Variants in SLC26A7 observed in about 807,000 individuals in gnomAD.
SLC26A7 encodes the protein solute carrier family 26 member 7.
Under a neutral mutation model 82.5 loss-of-function variants are expected in SLC26A7, and 59 were observed. That is an observed-to-expected ratio of 0.72 (90% CI 0.58 to 0.89). The LOEUF (loss-of-function observed/expected upper bound fraction) is 0.89, where lower values mean the gene tolerates loss of function less well. SLC26A7 is among the 40% of genes least tolerant of loss of function. The pLI is 0.00. For missense variants in SLC26A7, 820 were observed against 793.0 expected (o/e 1.03, Z -0.41); for synonymous variants, 271 against 274.3 (o/e 0.99, Z 0.12).
upstream of SLC26A7, among the ~76,000 whole-genome samples, chr8:91,244,462 A>G (rs896095768): frequency 1.8e-4 from 27 of 149,432 alleles, no homozygotes; most frequent in African/African-American, 6.7e-4. Context: ...GTTTGAATAT[A>G]TAAGTGATTC....
intron 15 of SLC26A7, among the ~76,000 whole-genome samples, chr8:91,376,125 A>G (rs1814509531): frequency 6.6e-6 from 1 of 151,948 alleles, no homozygotes; most frequent in South Asian, 2.1e-4. Context: ...TCAAATCCTG[A>G]ATTGTTTTCT....
At chr8:91,333,464 T>C (rs571995589) in intron 5 of SLC26A7, among the ~76,000 whole-genome samples, 1 of 152,288 alleles carries the variant, frequency 6.6e-6, no homozygotes, top group African/African-American at 2.4e-5. Context: ...TCACATTTTA[T>C]GCTGTAAGTT....
At position 91,351,698 on chromosome 8, in the gene SLC26A7, T is replaced by C. The variant is rs1160251587; in HGVS notation, c.1141-112T>C. The C allele has an allele frequency of 4.7e-5, 34 of 730,852 alleles. 1 individual carries two copies. The highest frequency in any genetic ancestry group is 7.8e-5 in the Non-Finnish European group (33 of 425,190). 45.3% of individuals were successfully genotyped at this position (730,852 alleles called of 1,614,324 possible). A position where few individuals can be genotyped will look rare whatever the true frequency, so the allele number is the denominator to read the frequency against. ...ATTTAACAGTTATGTGTCAACATTT[T>C]ACTTCTTCTAATCAAGATAAACTAA... On this transcript the variant is annotated intron_variant, in intron 9 of 18. Coordinates refer to ENST00000276609, the MANE Select transcript of SLC26A7 (RefSeq NM_052832.4).
At chr8:91,370,917 A>G (rs532439967) in intron 15 of SLC26A7, among the ~76,000 whole-genome samples, 116 of 152,032 alleles carry the variant, frequency 7.6e-4, no homozygotes, top group African/African-American at 2.5e-3. Context: ...CTAAGTAGGT[A>G]GAGATAACAG....
intron 3 of SLC26A7, among the ~76,000 whole-genome samples, chr8:91,289,553 G>A (rs970718818): frequency 3.9e-5 from 6 of 152,266 alleles, no homozygotes; most frequent in Middle Eastern, 3.4e-3. Flanking sequence ...GCTGAGGCAG[G>A]AGAATCGCTT....
At chr8:91,385,138 T>C (rs1814766458) in intron 15 of SLC26A7, among the ~76,000 whole-genome samples, 1 of 152,162 alleles carries the variant, frequency 6.6e-6, no homozygotes, top group African/African-American at 2.4e-5. Context: ...CTTTCTGAAA[T>C]GTTGTTTTTG....
intron 9 of SLC26A7, among the ~76,000 whole-genome samples, chr8:91,348,022 C>T (rs1354606084): frequency 1.3e-5 from 2 of 151,938 alleles, no homozygotes; most frequent in Admixed American, 6.5e-5. Flanking sequence ...GCAGGGAGCT[C>T]GGGAGGTATA....
chr8:91,225,713 G>A lies in SLC26A7; in HGVS notation c.-34+6708G>A, dbSNP rs564479733. 2.9e-5 allele frequency among the ~76,000 whole-genome samples: 3 copies of A among 104,238 alleles called. No individual in the cohort carries two copies. The South Asian group carries it at 9.1e-4, about 32-fold the overall frequency. The allele number at this position is 104,238 out of a possible 152,430, so 68.4% of individuals were successfully genotyped here. A position where few individuals can be genotyped will look rare whatever the true frequency, so the allele number is the denominator to read the frequency against. On this transcript the variant is annotated intron_variant, in intron 2 of 5. Coordinates refer to the SLC26A7 transcript ENST00000522862. ...CCATGATCTCAGCTACAATGTATTT[G>A]CTGTCTTGGTTGTGGGGAGAAAATT...
At chr8:91,211,104 C>T (rs574058311) in intron 1 of SLC26A7, among the ~76,000 whole-genome samples, 2 of 151,998 alleles carry the variant, frequency 1.3e-5, no homozygotes, top group East Asian at 1.9e-4. Context: ...TTTCAAAGCA[C>T]TAAGGGAAAA....
chr8:91,270,080 A>G (rs116677945), intron 2 of SLC26A7, among the ~76,000 whole-genome samples: 3,325 of 152,108 alleles, frequency 0.022, 109 homozygotes, highest in African/African-American at 0.075. Flanking sequence ...TAGATTGTCA[A>G]TTCTTCTTGG....
intron 2 of SLC26A7, among the ~76,000 whole-genome samples, chr8:91,273,959 C>G (rs935269507): frequency 6.6e-6 from 1 of 152,224 alleles, no homozygotes; most frequent in South Asian, 2.1e-4. Context: ...TTTGGAGACA[C>G]CATAAGAGCT....
At chr8:91,393,727 G>A (rs1298995957) in intron 16 of SLC26A7, 70 bp from the exon 17 acceptor site, 2 of 1,518,870 alleles carry the variant, frequency 1.3e-6, no homozygotes, top group African/African-American at 2.8e-5. Flanking sequence ...GATTTCTTCT[G>A]AAGCCCATCT....
At chr8:91,307,706 G>A (rs1315028632) in intron 4 of SLC26A7, among the ~76,000 whole-genome samples, 1 of 139,424 alleles carries the variant, frequency 7.2e-6, no homozygotes, top group African/African-American at 2.7e-5. Context: ...GCTAGATGAC[G>A]AGTTAGTGGG....
At chr8:91,342,710 G>A (rs910895505) in intron 8 of SLC26A7, among the ~76,000 whole-genome samples, 3 of 152,238 alleles carry the variant, frequency 2.0e-5, no homozygotes, top group African/African-American at 7.2e-5. Context: ...ATACTGAGTA[G>A]CAGATTGGGT....
chr8:91,295,403 G>A (rs1811988349), intron 3 of SLC26A7, 128 bp from the exon 4 acceptor site: 1 of 1,012,384 alleles, frequency 9.9e-7, no homozygotes. Flanking sequence ...CAAGGCCACA[G>A]AGGAGGGGAC....
rs201424421 is a variant in SLC26A7, at chr8:91,348,709, GT to G, written c.1141-3091del. Among the ~76,000 whole-genome samples, 9 of 120,378 alleles carry G rather than the reference GT, an allele frequency of 7.5e-5. No individual in the cohort carries two copies. The East Asian group carries it at 8.0e-4, about 11-fold the overall frequency. The allele number at this position is 120,378 out of a possible 152,430, so 79.0% of individuals were successfully genotyped here. Reference sequence around the variant, plus strand: ...AACTTATTAAGAAGGAGCTAGTTTTGTTTTTTTTTTCCTGAGATTAAAAAAG... The same window carrying G: ...AACTTATTAAGAAGGAGCTAGTTTTGTTTTTTTTTCCTGAGATTAAAAAAG... On this transcript the variant is annotated intron_variant, in intron 9 of 18. Coordinates refer to ENST00000276609, the MANE Select transcript of SLC26A7 (RefSeq NM_052832.4).
chr8:91,369,817 C>A lies in SLC26A7; in HGVS notation c.1659C>A (p.Ser553=). 6.2e-7 allele frequency: 1 copy of A among 1,602,236 alleles called. No homozygotes were observed. Among genetic ancestry groups the A allele is most frequent in the Non-Finnish European group, 8.5e-7 (1 of 1,174,462 alleles). Residue 553 remains serine, a synonymous_variant, in exon 15 of 19, where the codon TCC becomes TCA. Coordinates refer to ENST00000276609, the MANE Select transcript of SLC26A7 (RefSeq NM_052832.4). ...AAAACACATTGCTTAATTCCCTATC[C>A]AATGGCAACTGCAATGGTGAGTTAG... ...CEQNTLLNSL[S]NGNCNEEASQ... is the part of the protein sequence containing the mutation.
chr8:91,358,924 C>T lies in SLC26A7; in HGVS notation c.1315-3429C>T, dbSNP rs542673009. Among the ~76,000 whole-genome samples, 87 of 151,072 alleles carry T rather than the reference C, an allele frequency of 5.8e-4. 2 individuals carry two copies. The highest frequency in any genetic ancestry group is 5.1e-3 in the Admixed American group (78 of 15,168). On this transcript the variant is annotated intron_variant, in intron 11 of 18. Coordinates refer to ENST00000276609, the MANE Select transcript of SLC26A7 (RefSeq NM_052832.4). ...GGAAGCGGAACATCAACACCAGGGC[C>T]GGTTGTGGGTTGGGGGGACGGGGGA...
intron 5 of SLC26A7, among the ~76,000 whole-genome samples, chr8:91,319,306 T>G (rs531267392): frequency 6.6e-6 from 1 of 152,288 alleles, no homozygotes; most frequent in East Asian, 1.9e-4. Flanking sequence ...GGGTATAAAT[T>G]TCAATCTGAA....
Sources: allele counts gnomAD v4.1 joint callset (sites outside exome capture counted in the v4.1 genomes callset), GRCh38; gene constraint gnomAD v4.1.1; transcripts MANE v1.5; gene names NCBI Gene and HGNC (gene_info 2026-07-23, HGNC 2026-07-21).